Variants in GALNTL6 observed in about 807,000 individuals in gnomAD.
GALNTL6 encodes the protein polypeptide N-acetylgalactosaminyltransferase like 6.
Under a neutral mutation model 73.7 loss-of-function variants are expected in GALNTL6, and 46 were observed. The observed-to-expected ratio is 0.62, with a 90% confidence interval of 0.49 to 0.80. The LOEUF is 0.80. Ranked by LOEUF, GALNTL6 falls within the 30% of genes least tolerant of loss-of-function variation. The pLI is 0.00. For synonymous variants in GALNTL6, 259 were observed against 263.7 expected, an observed-to-expected ratio of 0.98 and a Z score of 0.17; for missense variants, 604 against 755.0, an observed-to-expected ratio of 0.80 and a Z score of 2.34.
intron 2 of GALNTL6, among the ~76,000 whole-genome samples, chr4:172,162,762 A>G (rs1413209718): frequency 6.6e-6 from 1 of 152,092 alleles, no homozygotes; most frequent in African/African-American, 2.4e-5. Flanking sequence ...AATCAAGTAC[A>G]TCAGCTTTTC....
intron 5 of GALNTL6, among the ~76,000 whole-genome samples, chr4:172,361,387 T>C (rs1231767327): frequency 1.3e-5 from 2 of 152,134 alleles, no homozygotes; most frequent in Non-Finnish European, 2.9e-5. Context: ...TAATCCACTT[T>C]TCATTTTAGG....
chr4:171,997,027 T>A (rs1740515823), intron 2 of GALNTL6, among the ~76,000 whole-genome samples: 1 of 152,130 alleles, frequency 6.6e-6, no homozygotes, highest in African/African-American at 2.4e-5. Flanking sequence ...AGTGTTGGAA[T>A]TGGGGCAGGC....
chr4:172,181,792 C>G (rs1205687282), intron 2 of GALNTL6, among the ~76,000 whole-genome samples: 2 of 149,980 alleles, frequency 1.3e-5, no homozygotes, highest in Non-Finnish European at 3.0e-5. Context: ...TCTCGGCTCA[C>G]TGCAGCCTCC....
chr4:171,996,723 C>CA (rs35734964), intron 2 of GALNTL6, among the ~76,000 whole-genome samples: 1,956 of 94,040 alleles, frequency 0.021, 51 homozygotes, highest in African/African-American at 0.064. Context: ...AGCTGACGAG[C>CA]AAAAAAAAAA....
intron 10 of GALNTL6, among the ~76,000 whole-genome samples, chr4:172,961,313 C>A (rs1750041525): frequency 6.7e-6 from 1 of 148,558 alleles, no homozygotes; most frequent in Non-Finnish European, 1.5e-5. Flanking sequence ...GCTTGCCCCC[C>A]CAGGAAAGTG....
intron 2 of GALNTL6, among the ~76,000 whole-genome samples, chr4:172,026,688 T>C (rs1741595760): frequency 6.6e-6 from 1 of 152,134 alleles, no homozygotes; most frequent in Non-Finnish European, 1.5e-5. Flanking sequence ...TTTGTATATA[T>C]ACACATAACT....
At chr4:172,634,416 C>T (rs1409257176) in intron 5 of GALNTL6, among the ~76,000 whole-genome samples, 1 of 152,054 alleles carries the variant, frequency 6.6e-6, no homozygotes, top group African/African-American at 2.4e-5. Context: ...TGTGGTTGCA[C>T]TGTCCCCCGT....
At chr4:172,922,850 A>T (rs1225487331) in intron 8 of GALNTL6, among the ~76,000 whole-genome samples, 1 of 152,234 alleles carries the variant, frequency 6.6e-6, no homozygotes, top group Non-Finnish European at 1.5e-5. Context: ...AGCAAATCAT[A>T]CAGGTGCACT....
intron 2 of GALNTL6, among the ~76,000 whole-genome samples, chr4:172,127,062 A>G (rs773832005): frequency 2.6e-5 from 4 of 152,186 alleles, no homozygotes; most frequent in African/African-American, 4.8e-5. Context: ...AATACTCCCC[A>G]GTCACCTGCA....
intron 4 of GALNTL6, among the ~76,000 whole-genome samples, chr4:172,340,464 G>T (rs1462031405): frequency 6.6e-6 from 1 of 152,054 alleles, no homozygotes; most frequent in East Asian, 1.9e-4. Context: ...CTTTCTTGTG[G>T]TGTCTTTGCC....
At chr4:172,959,699 G>A (rs1024720827) in intron 10 of GALNTL6, among the ~76,000 whole-genome samples, 2 of 152,164 alleles carry the variant, frequency 1.3e-5, no homozygotes, top group African/African-American at 4.8e-5. Context: ...AGTTCCAGGG[G>A]CTCTGGGAGT....
chr4:172,301,157 A>G (rs1739900727), intron 3 of GALNTL6, among the ~76,000 whole-genome samples: 1 of 152,098 alleles, frequency 6.6e-6, no homozygotes, highest in Admixed American at 6.6e-5. Context: ...AGTTGATCGA[A>G]TTGGCTACTG....
chr4:171,901,757 T>C (rs1737105710), intron 2 of GALNTL6, among the ~76,000 whole-genome samples: 2 of 152,214 alleles, frequency 1.3e-5, no homozygotes, highest in South Asian at 4.1e-4. Flanking sequence ...AGTTGTAAAA[T>C]TCATCCAATA....
At chr4:172,755,734 T>G (rs1560930160) in intron 5 of GALNTL6, among the ~76,000 whole-genome samples, 1 of 152,240 alleles carries the variant, frequency 6.6e-6, no homozygotes. Context: ...TTTGGGAGAT[T>G]GCACTATGAC....
At chr4:172,711,089 G>A (rs1299988427) in intron 5 of GALNTL6, among the ~76,000 whole-genome samples, 2 of 152,092 alleles carry the variant, frequency 1.3e-5, no homozygotes, top group African/African-American at 2.4e-5. Context: ...AAGTGTTCTA[G>A]GGCAAAATAA....
At chr4:171,828,650 CCCT>C (rs1429228280) in intron 2 of GALNTL6, among the ~76,000 whole-genome samples, 2 of 152,072 alleles carry the variant, frequency 1.3e-5, no homozygotes, top group Non-Finnish European at 2.9e-5. Flanking sequence ...GATGGAGTCT[CCCT>C]CCATCGCCCA....
At chr4:172,769,181 C>A (rs1318695895) in intron 5 of GALNTL6, among the ~76,000 whole-genome samples, 1 of 151,976 alleles carries the variant, frequency 6.6e-6, no homozygotes, top group Non-Finnish European at 1.5e-5. Context: ...TACGGAGCCA[C>A]TGAAGGTGTT....
At chr4:172,751,347 T>C (rs1033852643) in intron 5 of GALNTL6, among the ~76,000 whole-genome samples, 3 of 152,210 alleles carry the variant, frequency 2.0e-5, no homozygotes, top group African/African-American at 7.2e-5. Context: ...GTTAAATGTT[T>C]ATATTGAGGT....
chr4:172,838,079 C>A (rs1360330463), intron 7 of GALNTL6, among the ~76,000 whole-genome samples: 1 of 151,532 alleles, frequency 6.6e-6, no homozygotes, highest in Admixed American at 6.6e-5. Flanking sequence ...AGTGTTTGCT[C>A]GCACAGCATG....
Sources: gnomAD v4.1 joint callset for allele counts (sites outside exome capture counted in the v4.1 genomes callset) on GRCh38, gnomAD v4.1.1 for gene constraint, MANE v1.5 for transcripts, NCBI Gene and HGNC (gene_info 2026-07-23, HGNC 2026-07-21) for gene names.